Variants in CDHR1 observed in about 807,000 individuals in gnomAD.
CDHR1 encodes the protein cadherin-related family member 1.
A neutral mutation model predicts 72.1 loss-of-function variants in CDHR1; 61 were observed. That is an observed-to-expected ratio of 0.85 (90% confidence interval 0.69 to 1.05). The LOEUF (loss-of-function observed/expected upper bound fraction) is 1.05. Ranked by LOEUF, CDHR1 falls within the 50% of genes least tolerant of loss-of-function variation. CDHR1 has a pLI of 0.00. For synonymous variants in CDHR1, 470 were observed against 448.1 expected, an observed-to-expected ratio of 1.05 and a Z score of -0.62; for missense variants, 1,186 against 1,115.7, an observed-to-expected ratio of 1.06 and a Z score of -0.90.
At chr10:84,208,151 A>G in intron 10 of CDHR1, 23 bp from the exon 11 acceptor site, 1 of 1,610,152 alleles carries the variant, frequency 6.2e-7, no homozygotes, top group South Asian at 1.1e-5. Flanking sequence ...CCACACAGCC[A>G]TAGCCACTTG....
chr10:84,202,710 G>T (rs1236861981), intron 7 of CDHR1, among the ~76,000 whole-genome samples: 2 of 152,160 alleles, frequency 1.3e-5, no homozygotes, highest in South Asian at 4.1e-4. Context: ...GGGGAATTTA[G>T]CTCTGAATGC....
rs756128159 is a variant in CDHR1, at chr10:84,201,803, A to G, written c.526-4A>G. 7 of 1,609,354 alleles carry G rather than the reference A, an allele frequency of 4.3e-6. No homozygotes were observed. Reference sequence around the variant, plus strand: ...GAGGTCCAGCTGCCCCCTAATTCTTATAGAACCTGCACTCCCCATTTGCCG... The same window carrying G: ...GAGGTCCAGCTGCCCCCTAATTCTTGTAGAACCTGCACTCCCCATTTGCCG... On this transcript the variant is annotated splice_polypyrimidine_tract_variant and splice_region_variant and intron_variant, in intron 6 of 16. Transcript: ENST00000623527.
rs371371723 is a variant in CDHR1 at position 84,212,442 on chromosome 10, C to T, written c.1782+35C>T. The stretch of plus-strand genomic sequence containing the variant: ...GGAGGCAGCTGAGCTCCCCTAAAAG[C>T]CTGGGTCCAGCAGCTCCAAGAGATA... On this transcript the variant is annotated intron_variant, in intron 15 of 16. Coordinates refer to ENST00000623527, the MANE Select transcript of CDHR1 (RefSeq NM_033100.4). 6 of 1,560,498 alleles carry T rather than the reference C, an allele frequency of 3.8e-6. No homozygotes were observed. In the African/African-American group the frequency reaches 6.8e-5, roughly 18 times the overall value.
chr10:84,208,622 TTAA>T lies in CDHR1; in HGVS notation c.1168-101_1168-99del, dbSNP rs1025681550. 6.1e-4 allele frequency: 758 copies of T among 1,235,098 alleles called. 3 individuals carry two copies. In the African/African-American group the frequency reaches 0.01, roughly 16 times the overall value. The allele number at this position is 1,235,098 out of a possible 1,614,324, so 76.5% of individuals were successfully genotyped here. ...GGAAAAGTCAGATGCAGAAACTCTC[TTAA>T]TAATATCTCCCAGGGTTAAGGGCAC... On this transcript the variant is annotated intron_variant, in intron 11 of 16. Coordinates refer to ENST00000623527, the MANE Select transcript of CDHR1 (RefSeq NM_033100.4).
At chr10:84,205,769 C>T in intron 9 of CDHR1, 58 bp from the exon 10 acceptor site, 1 of 1,190,492 alleles carries the variant, frequency 8.4e-7, no homozygotes, top group Non-Finnish European at 1.2e-6. Context: ...TGTGGCACGA[C>T]TCCCCTGCGC....
intron 4 of CDHR1, among the ~76,000 whole-genome samples, chr10:84,198,194 T>C (rs1398210437): frequency 6.6e-6 from 1 of 152,116 alleles, no homozygotes; most frequent in Non-Finnish European, 1.5e-5. Flanking sequence ...CTCTCAGCGA[T>C]CATCAGTGCT....
chr10:84,198,952 T>G, intron 4 of CDHR1, 80 bp from the exon 5 acceptor site: 1 of 1,012,338 alleles, frequency 9.9e-7, no homozygotes, highest in Non-Finnish European at 1.5e-6. Context: ...ACGTGTACAT[T>G]GGAGTGATAG....
At chr10:84,201,775 G>C in intron 6 of CDHR1, 32 bp from the exon 7 acceptor site, 1 of 1,570,548 alleles carries the variant, frequency 6.4e-7, no homozygotes, top group Non-Finnish European at 8.7e-7. Flanking sequence ...CTGCATTCTT[G>C]CTGAGGTCCA....
At chr10:84,197,590 G>A (rs898791912) in intron 3 of CDHR1, among the ~76,000 whole-genome samples, 196 bp from the exon 4 acceptor site, 2 of 152,096 alleles carry the variant, frequency 1.3e-5, no homozygotes, top group African/African-American at 4.8e-5. Context: ...CCCAAAATAA[G>A]GTCTCAAGCA....
At position 84,215,884 on chromosome 10, in the gene CDHR1, G is replaced by T. The variant is rs1156559715; in HGVS notation, c.*1263G>T. On this transcript the variant is annotated 3_prime_UTR_variant, in exon 17 of 17. Transcript: ENST00000623527. ...TCCATCCCCGCTACCGTCCTGGCCAGCTACCGTCAGAGAGAACCAGAGCTC... is the reference window on the plus strand; with the variant it reads ...TCCATCCCCGCTACCGTCCTGGCCATCTACCGTCAGAGAGAACCAGAGCTC... 1.8e-5 allele frequency: 18 copies of T among 985,472 alleles called. No individual in the cohort carries two copies. The highest frequency in any genetic ancestry group is 2.2e-5 in the Non-Finnish European group (18 of 829,984). The allele number at this position is 985,472 out of a possible 1,614,324, so 61.0% of individuals were successfully genotyped here.
At chr10:84,213,491 C>A in intron 16 of CDHR1, 143 bp downstream of exon 16, 1 of 1,128,830 alleles carries the variant, frequency 8.9e-7, no homozygotes, top group Non-Finnish European at 1.3e-6. Flanking sequence ...TGCCATCAAA[C>A]ACACAGTCTT....
At position 84,212,218 on chromosome 10, in the gene CDHR1, G is replaced by T. The variant is rs748614271; in HGVS notation, c.1593G>T (p.Gln531His). Residue 531 changes from glutamine to histidine, a missense_variant, in exon 15 of 17, where the codon CAG (glutamine) becomes CAT (histidine). By Grantham distance (24) the Gln-to-His change is conservative. Transcript: ENST00000623527. ...IHPSTGLIYT[Q>H]PWASLDAEAT... ...CATCCACTGGGCTTATCTACACCCAGCCCTGGGCTAGCCTGGACGCTGAGG... is the reference window on the plus strand; with the variant it reads ...CATCCACTGGGCTTATCTACACCCATCCCTGGGCTAGCCTGGACGCTGAGG... 1 of 1,614,242 alleles carries T rather than the reference G, an allele frequency of 6.2e-7. No individual in the cohort carries two copies. Among genetic ancestry groups the T allele is most frequent in the Non-Finnish European group, 8.5e-7 (1 of 1,180,046 alleles).
At chr10:84,198,964 G>A in intron 4 of CDHR1, 68 bp from the exon 5 acceptor site, 1 of 1,156,760 alleles carries the variant, frequency 8.6e-7, no homozygotes, top group Non-Finnish European at 1.3e-6. Flanking sequence ...GAGTGATAGA[G>A]GTCGCTATCC....
At chr10:84,201,366 C>A (rs529512918) in intron 6 of CDHR1, among the ~76,000 whole-genome samples, 1 of 152,324 alleles carries the variant, frequency 6.6e-6, no homozygotes, top group South Asian at 2.1e-4. Context: ...TCCCCCGATG[C>A]CAGGCTGCCT....
At chr10:84,197,729 A>T (rs1842053096) in intron 3 of CDHR1, 57 bp from the exon 4 acceptor site, 1 of 1,523,838 alleles carries the variant, frequency 6.6e-7, no homozygotes, top group Non-Finnish European at 9.1e-7. Flanking sequence ...ATCCAGCCAC[A>T]GGGGTCCTAT....
chr10:84,209,159 A>G (rs977553006), intron 12 of CDHR1, among the ~76,000 whole-genome samples: 1 of 152,206 alleles, frequency 6.6e-6, no homozygotes, highest in African/African-American at 2.4e-5. Context: ...GATTGAGTAA[A>G]CTATTTTATT....
intron 5 of CDHR1, among the ~76,000 whole-genome samples, chr10:84,199,402 G>C (rs1054791211): frequency 6.6e-5 from 10 of 152,182 alleles, no homozygotes; most frequent in Non-Finnish European, 1.0e-4. Flanking sequence ...TTAAATTTTG[G>C]TGTATTTCCT....
Position 84,214,128 on chromosome 10 carries a change from A to G in CDHR1, c.2087A>G (p.Asp696Gly). ...PMAAFLIQTK[D>G]NPMKAVGVLA... ...GCTGCCTTCCTGATACAGACCAAGG[A>G]CAACCCCATGAAGGCCGTGGGTGTG... The change falls in exon 17 of 17, where the codon GAC (aspartate) becomes GGC (glycine). Residue 696 changes from aspartate (D) to glycine (G), a missense_variant. Physicochemically the swap from Asp to Gly is moderately conservative, Grantham distance 94 (BLOSUM62 -1). Transcript: ENST00000623527. 1 of 1,614,190 alleles carries G rather than the reference A, an allele frequency of 6.2e-7. No individual in the cohort carries two copies. The highest frequency in any genetic ancestry group is 1.7e-5 in the Admixed American group (1 of 60,026).
At chr10:84,200,564 T>A (rs1409942379) in intron 5 of CDHR1, 37 bp from the exon 6 acceptor site, 1 of 1,471,934 alleles carries the variant, frequency 6.8e-7, no homozygotes. Context: ...ATGCTGTCAC[T>A]GTCTCTGACC....
Sources: gnomAD v4.1 joint callset for allele counts (sites outside exome capture counted in the v4.1 genomes callset) on GRCh38, gnomAD v4.1.1 for gene constraint, MANE v1.5 for transcripts, NCBI Gene and HGNC (gene_info 2026-07-23, HGNC 2026-07-21) for gene names.